PTPRT: variants seen among roughly 807,000 people sequenced by gnomAD.
PTPRT encodes protein tyrosine phosphatase receptor type T.
PTPRT carries 56 observed loss-of-function variants against 176.8 expected under a neutral mutation model. That is an observed-to-expected ratio of 0.32 (90% CI 0.26 to 0.40). The LOEUF (loss-of-function observed/expected upper bound fraction) is 0.40, where lower values mean the gene tolerates loss of function less well. PTPRT is among the 10% of genes least tolerant of loss of function. The pLI, the probability that PTPRT is intolerant of heterozygous loss-of-function variation, is 1.00. For missense variants in PTPRT, 1,540 were observed against 1,908.2 expected (o/e 0.81, Z 3.60); for synonymous variants, 783 against 739.0 (o/e 1.06, Z -0.96).
chr20:42,374,288 A>C (rs1405768332), intron 9 of PTPRT, among the ~76,000 whole-genome samples: 1 of 152,206 alleles, frequency 6.6e-6, no homozygotes, highest in Non-Finnish European at 1.5e-5. Context: ...GTCTGTGGAC[A>C]AGGGGAAACC....
Position 42,507,449 on chromosome 20 carries a change from A to C in PTPRT, c.1154-34887T>G, listed in dbSNP as rs1439165006. Among the ~76,000 whole-genome samples the C allele has an allele frequency of 2.0e-5, 3 of 152,210 alleles. No homozygotes were observed. The East Asian group carries it at 5.8e-4, about 30-fold the overall frequency. On this transcript the variant is annotated intron_variant, in intron 7 of 30. Coordinates refer to ENST00000373187, the MANE Select transcript of PTPRT (RefSeq NM_007050.6). ...CTTCTTGGCCGAGAAGGGAAAGCCC[A>C]TCGTGTGCTCAGGAGGAGAACCAAA...
intron 9 of PTPRT, among the ~76,000 whole-genome samples, chr20:42,377,986 G>A (rs1265546505): frequency 1.3e-5 from 2 of 152,146 alleles, no homozygotes; most frequent in East Asian, 3.8e-4. Context: ...TAGTACTAGG[G>A]GTCCTACCCA....
intron 7 of PTPRT, among the ~76,000 whole-genome samples, chr20:42,600,249 C>T (rs1254103158): frequency 6.6e-6 from 1 of 152,140 alleles, no homozygotes; most frequent in African/African-American, 2.4e-5. Context: ...ATGCAATTCC[C>T]TTTCCTCAGC....
At chr20:42,697,499 G>T (rs1485472113) in intron 6 of PTPRT, among the ~76,000 whole-genome samples, 7 of 152,188 alleles carry the variant, frequency 4.6e-5, no homozygotes, top group African/African-American at 1.7e-4. Context: ...TAAGGAAATG[G>T]TCAGTAAGAT....
intron 1 of PTPRT, among the ~76,000 whole-genome samples, chr20:42,927,470 G>A (rs1979562193): frequency 6.6e-6 from 1 of 152,212 alleles, no homozygotes; most frequent in Admixed American, 6.5e-5. Flanking sequence ...ACTGAGACAA[G>A]AGAATCGCTT....
At chr20:42,095,515 C>T (rs1985113786) in intron 27 of PTPRT, among the ~76,000 whole-genome samples, 1 of 152,206 alleles carries the variant, frequency 6.6e-6, no homozygotes, top group African/African-American at 2.4e-5. Flanking sequence ...CTCTCACCTC[C>T]TTCACGTCTG....
intron 7 of PTPRT, among the ~76,000 whole-genome samples, chr20:42,518,756 T>C (rs1465276037): frequency 6.6e-6 from 1 of 152,178 alleles, no homozygotes; most frequent in African/African-American, 2.4e-5. Flanking sequence ...TTACTGTCTT[T>C]GAATCTATAA....
At chr20:42,752,575 C>T (rs6103031) in intron 6 of PTPRT, among the ~76,000 whole-genome samples, 82,101 of 152,068 alleles carry the variant, frequency 0.54, 23,058 homozygotes, top group Middle Eastern at 0.64. Flanking sequence ...TTGTGGGTGA[C>T]GTCAGTCCAA....
chr20:42,668,752 C>T (rs1005216553), intron 7 of PTPRT, among the ~76,000 whole-genome samples: 10 of 150,524 alleles, frequency 6.6e-5, no homozygotes, highest in African/African-American at 2.2e-4. Flanking sequence ...AGTACAGTGG[C>T]ACAATCTCGG....
chr20:42,290,749 C>A (rs2147085565), intron 12 of PTPRT, among the ~76,000 whole-genome samples: 1 of 152,078 alleles, frequency 6.6e-6, no homozygotes, highest in South Asian at 2.1e-4. Context: ...AACACTAGGT[C>A]AAGTCTGACT....
At chr20:42,619,069 C>T (rs966173433) in intron 7 of PTPRT, among the ~76,000 whole-genome samples, 7 of 150,930 alleles carry the variant, frequency 4.6e-5, no homozygotes, top group African/African-American at 1.2e-4. Flanking sequence ...GATTTTGCAG[C>T]GGCTGGTACC....
intron 16 of PTPRT, among the ~76,000 whole-genome samples, chr20:42,178,633 G>C (rs114821828): frequency 2.0e-5 from 3 of 152,190 alleles, no homozygotes; most frequent in Admixed American, 1.3e-4. Flanking sequence ...ATAGAAATCT[G>C]GTTGCAGCCT....
At chr20:42,851,744 C>T (rs748722192) in intron 2 of PTPRT, among the ~76,000 whole-genome samples, 3 of 152,080 alleles carry the variant, frequency 2.0e-5, no homozygotes, top group African/African-American at 7.2e-5. Flanking sequence ...CAACAGCAGC[C>T]GCAAGCAATA....
intron 9 of PTPRT, among the ~76,000 whole-genome samples, chr20:42,387,904 G>T (rs1464533026): frequency 1.3e-5 from 2 of 150,890 alleles, no homozygotes; most frequent in East Asian, 2.0e-4. Flanking sequence ...TTATTCTCCT[G>T]CCTCAGCCTC....
chr20:42,221,124 C>T (rs538035960), intron 15 of PTPRT, among the ~76,000 whole-genome samples: 3 of 152,300 alleles, frequency 2.0e-5, no homozygotes, highest in African/African-American at 7.2e-5. Context: ...CTACCTCAGC[C>T]TCCCGAGTAG....
intron 1 of PTPRT, among the ~76,000 whole-genome samples, chr20:42,985,184 T>C (rs1470125554): frequency 2.0e-5 from 3 of 152,106 alleles, no homozygotes; most frequent in African/African-American, 7.2e-5. Flanking sequence ...AGCAACTCCA[T>C]GCCAGGCCCT....
At chr20:42,306,279 A>G (rs1410681308) in intron 12 of PTPRT, among the ~76,000 whole-genome samples, 2 of 152,222 alleles carry the variant, frequency 1.3e-5, no homozygotes, top group Admixed American at 6.5e-5. Flanking sequence ...GGGCCCCAAC[A>G]GAGCTCCAGC....
intron 1 of PTPRT, among the ~76,000 whole-genome samples, chr20:43,037,184 G>C (rs1414520208): frequency 6.6e-6 from 1 of 152,136 alleles, no homozygotes; most frequent in Non-Finnish European, 1.5e-5. Context: ...CCCTGTAAAG[G>C]AGAAAGATAA....
intron 7 of PTPRT, among the ~76,000 whole-genome samples, chr20:42,491,019 G>C (rs2071553294): frequency 6.6e-6 from 1 of 151,968 alleles, no homozygotes; most frequent in South Asian, 2.1e-4. Context: ...CTTGTCTCAA[G>C]GATTGAAATA....
Sources: allele counts gnomAD v4.1 joint callset (sites outside exome capture counted in the v4.1 genomes callset), GRCh38; gene constraint gnomAD v4.1.1; transcripts MANE v1.5; gene names NCBI Gene and HGNC (gene_info 2026-07-23, HGNC 2026-07-21).